Variants in GABPB2 observed in about 807,000 individuals in gnomAD.
GABPB2 encodes the protein GA binding protein transcription factor subunit beta 2.
A neutral mutation model predicts 39.1 loss-of-function variants in GABPB2; 23 were observed. The ratio of observed to expected loss-of-function variants is 0.59; its 90% CI spans 0.42 to 0.83. The LOEUF (loss-of-function observed/expected upper bound fraction) is 0.83, where lower values mean the gene tolerates loss of function less well. Ranked by LOEUF, GABPB2 falls within the 40% of genes least tolerant of loss-of-function variation. The pLI, the probability that GABPB2 is intolerant of heterozygous loss-of-function variation, is 0.00. For missense variants in GABPB2, 467 were observed against 541.1 expected (o/e 0.86, Z 1.36); for synonymous variants, 184 against 199.3 (o/e 0.92, Z 0.65).
intron 1 of GABPB2, among the ~76,000 whole-genome samples, chr1:151,077,356 GTTTTT>G (rs35650542): frequency 9.0e-6 from 1 of 110,650 alleles, no homozygotes; most frequent in Non-Finnish European, 1.7e-5. Flanking sequence ...CAACTCATAG[GTTTTT>G]TTTTTTTTTT....
intron 7 of GABPB2, among the ~76,000 whole-genome samples, chr1:151,111,744 C>T (rs587770834): frequency 5.5e-4 from 82 of 148,686 alleles, no homozygotes; most frequent in African/African-American, 1.9e-3. Flanking sequence ...GACAGGATTT[C>T]ACCATGGTCT....
At chr1:151,088,053 A>G (rs1001556356) in intron 1 of GABPB2, 137 bp from the exon 2 acceptor site, 14 of 614,694 alleles carry the variant, frequency 2.3e-5, no homozygotes, top group Middle Eastern at 6.1e-4. Flanking sequence ...GGTAGAAAGG[A>G]AGTGACCTAC....
rs752198302 is a variant in GABPB2, at chr1:151,118,023, C to A, written c.1114C>A (p.Arg372=). The A allele has an allele frequency of 2.5e-6, 4 of 1,614,016 alleles. No homozygotes were observed. The highest frequency in any genetic ancestry group is 1.6e-4 in the Middle Eastern group (1 of 6,084). ...GGCCAATCGAAGAGCCCAGGAATAC[C>A]GACACCAGCTCCTAAAGAAAGAGCA... ...QEANRRAQEY[R]HQLLKKEQEA... is the part of the protein sequence containing the mutation. The change falls in exon 9 of 9, where the codon CGA becomes AGA. Residue 372 remains arginine (R), a synonymous_variant. Coordinates refer to ENST00000368918, the MANE Select transcript of GABPB2 (RefSeq NM_144618.3).
At position 151,103,643 on chromosome 1, in the gene GABPB2, C is replaced by T. The variant is rs768780900; in HGVS notation, c.704C>T (p.Ser235Leu). ...LATLAALAEA[S>L]VPLSNSHRAT... ...ACCCTTGCAGCTCTTGCTGAGGCAT[C>T]AGTCCCCCTCTCCAACTCACACAGA... Residue 235 changes from serine to leucine, a missense_variant, in exon 6 of 9, where the codon TCA becomes TTA. Physicochemically the swap from Ser to Leu is moderately radical, Grantham distance 145 (BLOSUM62 -2). Coordinates refer to ENST00000368918, the MANE Select transcript of GABPB2 (RefSeq NM_144618.3). The T allele has an allele frequency of 5.0e-6, 8 of 1,613,974 alleles. No homozygotes were observed. In the South Asian group the frequency reaches 7.7e-5, roughly 16 times the overall value.
chr1:151,108,315 G>A (rs587711955), intron 7 of GABPB2, among the ~76,000 whole-genome samples: 3 of 152,096 alleles, frequency 2.0e-5, no homozygotes, highest in South Asian at 2.1e-4. Flanking sequence ...GACTATAGGC[G>A]CACACCAACA....
chr1:151,081,233 A>G (rs1356061120), intron 1 of GABPB2, among the ~76,000 whole-genome samples: 2 of 151,802 alleles, frequency 1.3e-5, no homozygotes, highest in Non-Finnish European at 2.9e-5. Flanking sequence ...TCATGCCTAT[A>G]ATCCCAGCAC....
rs1225587579 is a variant in GABPB2, at chr1:151,125,388, CTTT to C, written c.*7133_*7135del. ...TTTTTAGAAAAACTTAAATATACTT[CTTT>C]ATTTAGGGTTTTATTCTGATGAGCA... is the stretch of plus-strand genomic sequence containing the variant. On this transcript the variant is annotated 3_prime_UTR_variant, in exon 9 of 9. Coordinates refer to ENST00000368918, the MANE Select transcript of GABPB2 (RefSeq NM_144618.3). The C allele has an allele frequency of 3.3e-5, 5 of 151,928 alleles. No homozygotes were observed. Among genetic ancestry groups the C allele is most frequent in the Admixed American group, 6.6e-5 (1 of 15,234 alleles). The allele number at this position is 151,928 out of a possible 1,614,324, so 9.4% of individuals were successfully genotyped here.
chr1:151,075,595 G>A (rs1283453947), intron 1 of GABPB2, among the ~76,000 whole-genome samples: 2 of 136,120 alleles, frequency 1.5e-5, no homozygotes, highest in Admixed American at 7.7e-5. Context: ...AAAAAATTTA[G>A]CCAGGTGGGA....
chr1:151,095,267 G>C (rs1177229378), intron 4 of GABPB2, among the ~76,000 whole-genome samples: 1 of 152,124 alleles, frequency 6.6e-6, no homozygotes, highest in Non-Finnish European at 1.5e-5. Flanking sequence ...AAAAGTAGTT[G>C]AGTGATGAGA....
At chr1:151,073,712 G>C (rs371861567) in intron 1 of GABPB2, among the ~76,000 whole-genome samples, 6 of 152,070 alleles carry the variant, frequency 3.9e-5, no homozygotes, top group South Asian at 2.1e-4. Flanking sequence ...ACAAGGTCAG[G>C]AGTTCAAGAC....
At chr1:151,094,780 G>T (rs1043812784) in intron 4 of GABPB2, among the ~76,000 whole-genome samples, 5 of 150,984 alleles carry the variant, frequency 3.3e-5, no homozygotes, top group South Asian at 2.1e-4. Context: ...GCCGAGGCAG[G>T]TGGATCACCT....
At chr1:151,100,913 G>A (rs1679467691) in intron 5 of GABPB2, among the ~76,000 whole-genome samples, 1 of 151,874 alleles carries the variant, frequency 6.6e-6, no homozygotes, top group African/African-American at 2.4e-5. Context: ...AAGAAAAACT[G>A]GAAAGAATAT....
At chr1:151,071,594 C>T (rs1360817991) in intron 1 of GABPB2, among the ~76,000 whole-genome samples, 3 of 152,062 alleles carry the variant, frequency 2.0e-5, no homozygotes, top group African/African-American at 4.8e-5. Flanking sequence ...CTCAGCCTCC[C>T]GAGTAGCTGG....
At chr1:151,078,116 C>A (rs973591093) in intron 1 of GABPB2, among the ~76,000 whole-genome samples, 3 of 150,092 alleles carry the variant, frequency 2.0e-5, no homozygotes, top group Non-Finnish European at 4.4e-5. Context: ...ACTAAAAATA[C>A]AAAATTATCC....
At chr1:151,089,617 C>G (rs1182182649) in intron 2 of GABPB2, among the ~76,000 whole-genome samples, 1 of 152,056 alleles carries the variant, frequency 6.6e-6, no homozygotes, top group Non-Finnish European at 1.5e-5. Context: ...ACTTTCTAGT[C>G]TCTACCCTTT....
chr1:151,116,321 C>T (rs1680855106), intron 7 of GABPB2, among the ~76,000 whole-genome samples: 1 of 146,846 alleles, frequency 6.8e-6, no homozygotes, highest in African/African-American at 2.5e-5. Context: ...ACCTGGGAAG[C>T]GGAGGTTGCA....
intron 5 of GABPB2, among the ~76,000 whole-genome samples, chr1:151,102,044 G>T (rs1163527304): frequency 6.6e-6 from 1 of 152,118 alleles, no homozygotes; most frequent in Non-Finnish European, 1.5e-5. Flanking sequence ...ATCTTGGCTG[G>T]ACACAGTGGC....
At position 151,122,440 on chromosome 1, in the gene GABPB2, T is replaced by C. The variant is rs1349577271; in HGVS notation, c.*4184T>C. The C allele has an allele frequency of 6.6e-6, 1 of 152,166 alleles. No individual in the cohort carries two copies. Among genetic ancestry groups the C allele is most frequent in the African/African-American group, 2.4e-5 (1 of 41,438 alleles). The allele number at this position is 152,166 out of a possible 1,614,324, so 9.4% of individuals were successfully genotyped here. On this transcript the variant is annotated 3_prime_UTR_variant, in exon 9 of 9. Transcript: ENST00000368918. ...GGAACCAGGTGCTAACAAGAAGCTGTTATGTGTGGGATTTCGGAGCCTTAC... is the reference window on the plus strand; with the variant it reads ...GGAACCAGGTGCTAACAAGAAGCTGCTATGTGTGGGATTTCGGAGCCTTAC...
intron 5 of GABPB2, among the ~76,000 whole-genome samples, chr1:151,101,931 G>A (rs1679555101): frequency 6.6e-6 from 1 of 152,192 alleles, no homozygotes; most frequent in Non-Finnish European, 1.5e-5. Flanking sequence ...AGTTAGGCAT[G>A]TCTGTTGCCA....
Sources: allele counts gnomAD v4.1 joint callset (sites outside exome capture counted in the v4.1 genomes callset), GRCh38; gene constraint gnomAD v4.1.1; transcripts MANE v1.5; gene names NCBI Gene and HGNC (gene_info 2026-07-23, HGNC 2026-07-21).